The following DCHS2 variants were observed in gnomAD, a reference collection of about 807,000 sequenced individuals.
DCHS2 encodes the protein dachsous cadherin-related 2.
Under a neutral mutation model 182.4 loss-of-function variants are expected in DCHS2, and 142 were observed. The observed-to-expected ratio is 0.78, with a 90% confidence interval of 0.68 to 0.89. DCHS2 has a LOEUF of 0.89. Ranked by LOEUF, DCHS2 falls within the 40% of genes least tolerant of loss-of-function variation. DCHS2 has a pLI of 0.00. For missense variants in DCHS2, 4,319 were observed against 4,198.6 expected, an observed-to-expected ratio of 1.03 and a Z score of -0.79; for synonymous variants, 1,740 against 1,663.3, an observed-to-expected ratio of 1.05 and a Z score of -1.12.
In DCHS2 at chr4:154,333,232, C is replaced by A. The variant is rs1414646341; in HGVS notation, c.2976G>T (p.Thr992=). ...TSDEIRISQT[T]PPGTALYLAR... The stretch of plus-strand genomic sequence containing the variant: ...CGAGGTACAAGGCTGTGCCAGGGGG[C>A]GTGGTCTGGGATATTCTAATCTCAT... The change falls in exon 5 of 20, where the codon ACG becomes ACT. Residue 992 remains threonine, a synonymous_variant. Coordinates refer to ENST00000357232, the MANE Select transcript of DCHS2 (RefSeq NM_001358235.2). 1 of 1,614,060 alleles carries A rather than the reference C, an allele frequency of 6.2e-7. No homozygotes were observed. Among genetic ancestry groups the A allele is most frequent in the South Asian group, 1.1e-5 (1 of 91,086 alleles).
intron 1 of DCHS2, chr4:154,391,389 C>T (rs1401256656): frequency 1.4e-6 from 2 of 1,451,458 alleles, no homozygotes; most frequent in Middle Eastern, 1.8e-4. Context: ...TATGGAAATA[C>T]CTCCATGACT....
intron 4 of DCHS2, chr4:154,334,304 A>C (rs1212133479): frequency 6.5e-6 from 1 of 153,334 alleles, no homozygotes; most frequent in African/African-American, 2.4e-5. Context: ...TTTATCCTGC[A>C]GAGGTTCCTC....
chr4:154,454,346 T>A (rs1734671601), intron 1 of DCHS2, among the ~76,000 whole-genome samples: 1 of 152,164 alleles, frequency 6.6e-6, no homozygotes, highest in African/African-American at 2.4e-5. Flanking sequence ...TGAGCTCAAA[T>A]GATCCCCCTG....
intron 12 of DCHS2, among the ~76,000 whole-genome samples, chr4:154,302,980 C>T (rs34513974): frequency 4.5e-5 from 4 of 89,460 alleles, no homozygotes; most frequent in South Asian, 3.6e-4. Flanking sequence ...CACACACACA[C>T]ATATTTTTTT....
At chr4:154,245,083 A>C (rs1018245883) in intron 16 of DCHS2, among the ~76,000 whole-genome samples, 1 of 152,206 alleles carries the variant, frequency 6.6e-6, no homozygotes, top group African/African-American at 2.4e-5. Flanking sequence ...GGAGAGAAAT[A>C]TGTTGTTTAG....
Position 154,377,502 on chromosome 4 carries a change from A to G in DCHS2, c.2053-58T>C, listed in dbSNP as rs1240207433. 2.8e-6 allele frequency: 4 copies of G among 1,403,524 alleles called. No individual in the cohort carries two copies. In the African/African-American group the frequency reaches 5.7e-5, roughly 20 times the overall value. The allele number at this position is 1,403,524 out of a possible 1,614,324, so 86.9% of individuals were successfully genotyped here. ...GAAATGCTAGCATTACTTTTCAGTC[A>G]GTCATGAATTATTAAAACAATTTGC... On this transcript the variant is annotated intron_variant, in intron 1 of 19. Coordinates refer to ENST00000357232, the MANE Select transcript of DCHS2 (RefSeq NM_001358235.2).
chr4:154,460,975 G>A (rs971004471), intron 1 of DCHS2, among the ~76,000 whole-genome samples: 1 of 152,048 alleles, frequency 6.6e-6, no homozygotes, highest in Non-Finnish European at 1.5e-5. Context: ...CCCAAAATGG[G>A]CTTCCAGACC....
intron 1 of DCHS2, among the ~76,000 whole-genome samples, chr4:154,463,818 C>T (rs115303626): frequency 6.8e-4 from 103 of 151,978 alleles, no homozygotes; most frequent in African/African-American, 2.4e-3. Flanking sequence ...TATACATCAG[C>T]ATAGAGACTT....
chr4:154,301,108 C>G (rs1467309494), intron 12 of DCHS2, among the ~76,000 whole-genome samples: 1 of 152,148 alleles, frequency 6.6e-6, no homozygotes, highest in Non-Finnish European at 1.5e-5. Context: ...ACTCTTCTTG[C>G]AAATTAAAAA....
intron 1 of DCHS2, among the ~76,000 whole-genome samples, chr4:154,452,685 A>G (rs192841835): frequency 1.3e-5 from 2 of 152,332 alleles, no homozygotes; most frequent in Admixed American, 6.5e-5. Context: ...TTTATTTCAT[A>G]TATCTCAAAT....
At chr4:154,327,396 T>A (rs1736324103) in intron 7 of DCHS2, among the ~76,000 whole-genome samples, 1 of 152,180 alleles carries the variant, frequency 6.6e-6, no homozygotes, top group Non-Finnish European at 1.5e-5. Context: ...GGCTATTTTA[T>A]TAATTCCAAT....
intron 1 of DCHS2, among the ~76,000 whole-genome samples, chr4:154,426,436 G>C (rs543874370): frequency 6.6e-6 from 1 of 152,062 alleles, no homozygotes; most frequent in African/African-American, 2.4e-5. Context: ...TCATCATGAT[G>C]ATCTAGGTAA....
In DCHS2 at chr4:154,234,972, T is replaced by C. The variant is rs747070627; in HGVS notation, c.9680A>G (p.Asp3227Gly). 2 of 1,613,976 alleles carry C rather than the reference T, an allele frequency of 1.2e-6. No individual in the cohort carries two copies. Among genetic ancestry groups the C allele is most frequent in the East Asian group, 4.5e-5 (2 of 44,864 alleles). ...ALSTQTTSDH[D>G]GKDNYHWNYL... ...ATTCCAGTGATAGTTGTCTTTTCCA[T>C]CATGATCAGAGGTCGTCTGAGTTGA... The change falls in exon 20 of 20, where the codon GAT becomes GGT. Residue 3227 changes from aspartate (D) to glycine (G), a missense_variant. By Grantham distance (94) the Asp-to-Gly change is moderately conservative. Coordinates refer to ENST00000357232, the MANE Select transcript of DCHS2 (RefSeq NM_001358235.2).
chr4:154,398,729 T>G (rs749865192), intron 1 of DCHS2, among the ~76,000 whole-genome samples: 6 of 152,188 alleles, frequency 3.9e-5, no homozygotes, highest in Non-Finnish European at 8.8e-5. Context: ...CCCCCAAACT[T>G]ACTGCCGGCC....
intron 3 of DCHS2, among the ~76,000 whole-genome samples, chr4:154,359,405 A>G (rs1284527218): frequency 1.3e-5 from 2 of 152,060 alleles, no homozygotes; most frequent in African/African-American, 2.4e-5. Context: ...TGGAAAATGG[A>G]ATTTTTAACC....
intron 2 of DCHS2, 92 bp downstream of exon 2, chr4:154,377,161 C>T: frequency 8.0e-7 from 1 of 1,254,392 alleles, no homozygotes; most frequent in African/African-American, 1.5e-5. Context: ...ACAGAATGAC[C>T]CAATTGTTGA....
intron 1 of DCHS2, among the ~76,000 whole-genome samples, chr4:154,450,181 G>A (rs1490664): frequency 0.9 from 137,065 of 152,234 alleles, 63,460 homozygotes; most frequent in East Asian, 1. Flanking sequence ...GGGAAAGGGA[G>A]GATAACATAG....
At chr4:154,468,520 C>T (rs1488298082) in intron 1 of DCHS2, among the ~76,000 whole-genome samples, 2 of 152,042 alleles carry the variant, frequency 1.3e-5, no homozygotes, top group Non-Finnish European at 2.9e-5. Context: ...CCTCACCTGC[C>T]ATACAGTATA....
At chr4:154,395,575 A>T (rs1731895887) in intron 1 of DCHS2, among the ~76,000 whole-genome samples, 1 of 152,212 alleles carries the variant, frequency 6.6e-6, no homozygotes, top group African/African-American at 2.4e-5. Flanking sequence ...CTTCAATGCT[A>T]GTTCCCACTG....
Sources: gnomAD v4.1 joint callset for allele counts (sites outside exome capture counted in the v4.1 genomes callset) on GRCh38, gnomAD v4.1.1 for gene constraint, MANE v1.5 for transcripts, NCBI Gene and HGNC (gene_info 2026-07-23, HGNC 2026-07-21) for gene names.